The following SLC39A11 variants were observed in gnomAD, a reference collection of about 807,000 sequenced individuals.
SLC39A11 encodes zinc transporter ZIP11.
In SLC39A11, 33 loss-of-function variants were observed where a neutral mutation model predicts 36.1. The observed-to-expected ratio is 0.91, with a 90% CI of 0.69 to 1.22. The LOEUF is 1.22. Ranked by LOEUF, SLC39A11 falls within the 50% of genes most tolerant of loss-of-function variation. The pLI is 0.00. For missense variants in SLC39A11, 432 were observed against 430.3 expected, an observed-to-expected ratio of 1.00 and a Z score of -0.03; for synonymous variants, 166 against 170.3, an observed-to-expected ratio of 0.97 and a Z score of 0.20.
rs1443836651 is a variant in SLC39A11, at chr17:72,732,144, G to A, written c.671+4506C>T. 1.1e-3 allele frequency among the ~76,000 whole-genome samples: 142 copies of A among 129,546 alleles called. 1 individual carries two copies. Among genetic ancestry groups the A allele is most frequent in the African/African-American group, 4.0e-3 (137 of 33,904 alleles). The allele number at this position is 129,546 out of a possible 152,430, so 85.0% of individuals were successfully genotyped here. A position where few individuals can be genotyped will look rare whatever the true frequency, so the allele number is the denominator to read the frequency against. ...GCTCACTGTAACCTCAGCCTCCCAA[G>A]TAGCTGGGATCAAAGGCACCTACCA... On this transcript the variant is annotated intron_variant, in intron 7 of 9. Transcript: ENST00000255559.
chr17:73,064,889 G>A lies in SLC39A11; in HGVS notation c.147+19919C>T, dbSNP rs188124897. ...TTCTCACCATACTTGGCAGAGGGGG[G>A]ATAGGGGAAAAAACACAGTTTGGCA... On this transcript the variant is annotated intron_variant, in intron 3 of 9. Transcript: ENST00000255559. Among the ~76,000 whole-genome samples the A allele has an allele frequency of 4.6e-5, 7 of 152,254 alleles. No individual in the cohort carries two copies. The South Asian group carries it at 6.2e-4, about 14-fold the overall frequency.
At chr17:72,734,979 C>T (rs1194998154) in intron 7 of SLC39A11, among the ~76,000 whole-genome samples, 2 of 152,134 alleles carry the variant, frequency 1.3e-5, no homozygotes, top group African/African-American at 4.8e-5. Flanking sequence ...CACCCCAGGC[C>T]CCGCGCTTAG....
chr17:72,653,224 C>T (rs1224013445), intron 7 of SLC39A11, among the ~76,000 whole-genome samples: 3 of 151,672 alleles, frequency 2.0e-5, no homozygotes, highest in Non-Finnish European at 4.4e-5. Flanking sequence ...CCTGCTTCAG[C>T]CTCCCGAGTA....
intron 3 of SLC39A11, among the ~76,000 whole-genome samples, chr17:73,043,007 C>T (rs907280136): frequency 5.3e-5 from 8 of 149,638 alleles, no homozygotes; most frequent in Admixed American, 2.0e-4. Flanking sequence ...TGGATCTGGG[C>T]GCTGCCTCCA....
chr17:72,685,271 G>A (rs1352143193), intron 7 of SLC39A11, among the ~76,000 whole-genome samples: 3 of 64,758 alleles, frequency 4.6e-5, no homozygotes, highest in Non-Finnish European at 9.0e-5. Context: ...GGAGCTGATG[G>A]AGAATTTCAG....
chr17:72,934,271 C>CA (rs1225377228), intron 5 of SLC39A11, among the ~76,000 whole-genome samples: 2 of 152,106 alleles, frequency 1.3e-5, no homozygotes, highest in Non-Finnish European at 2.9e-5. Flanking sequence ...TTTCGATCTC[C>CA]AAAGGCACTG....
chr17:72,744,232 C>A (rs56073138), intron 6 of SLC39A11, among the ~76,000 whole-genome samples: 22,510 of 152,224 alleles, frequency 0.15, 1,778 homozygotes, highest in African/African-American at 0.18. Flanking sequence ...ATGTACCTGA[C>A]AGGCCTGTTC....
chr17:72,696,212 G>A lies in SLC39A11; in HGVS notation c.671+40438C>T, dbSNP rs569530499. On this transcript the variant is annotated intron_variant, in intron 7 of 9. Transcript: ENST00000255559. ...GGGGAAGGCAGGAGTTGGCATTTCA[G>A]TTGCGGTCCAAGGTGGAGATCGGAA... 1.6e-4 allele frequency among the ~76,000 whole-genome samples: 25 copies of A among 152,224 alleles called. No individual in the cohort carries two copies. In the South Asian group the frequency reaches 5.2e-3, roughly 32 times the overall value.
At chr17:72,704,762 C>T (rs2072817041) in intron 7 of SLC39A11, among the ~76,000 whole-genome samples, 1 of 152,190 alleles carries the variant, frequency 6.6e-6, no homozygotes, top group Admixed American at 6.5e-5. Context: ...GCTGGAGCTC[C>T]AGTCCAAGCT....
intron 4 of SLC39A11, among the ~76,000 whole-genome samples, chr17:72,990,927 T>C (rs1357038405): frequency 6.6e-6 from 1 of 152,230 alleles, no homozygotes; most frequent in Non-Finnish European, 1.5e-5. Context: ...AGTCTGCTGA[T>C]CTACTGTCAA....
rs947120417 is a variant in SLC39A11 at position 72,789,541 on chromosome 17, G to A, written c.602-52822C>T. ...ATCCCTGGGAACAGGCCTATAACTC[G>A]GAAGATAATAGCCACAGCTCTGATT... On this transcript the variant is annotated intron_variant, in intron 6 of 9. Coordinates refer to ENST00000255559, the MANE Select transcript of SLC39A11 (RefSeq NM_139177.4). Among the ~76,000 whole-genome samples the A allele has an allele frequency of 1.2e-4, 18 of 152,136 alleles. 1 individual carries two copies. Among genetic ancestry groups the A allele is most frequent in the South Asian group, 6.2e-4 (3 of 4,824 alleles).
intron 7 of SLC39A11, among the ~76,000 whole-genome samples, chr17:72,735,140 G>A (rs759071155): frequency 1.7e-4 from 26 of 152,164 alleles, no homozygotes; most frequent in Admixed American, 1.7e-3. Flanking sequence ...AGTCTGAGAG[G>A]CAGGAACATG....
intron 4 of SLC39A11, among the ~76,000 whole-genome samples, chr17:72,974,118 TGAGATG>T (rs1386653741): frequency 6.6e-6 from 1 of 152,140 alleles, no homozygotes; most frequent in Non-Finnish European, 1.5e-5. Context: ...TTTATTTTCT[TGAGATG>T]GAGTCTCACT....
intron 5 of SLC39A11, among the ~76,000 whole-genome samples, chr17:72,947,313 C>T (rs996691581): frequency 2.5e-5 from 3 of 122,112 alleles, no homozygotes; most frequent in African/African-American, 6.0e-5. Context: ...GACTCCATCT[C>T]GGGGGGAAAA....
intron 5 of SLC39A11, among the ~76,000 whole-genome samples, chr17:72,925,877 T>C (rs2084021050): frequency 6.6e-6 from 1 of 152,254 alleles, no homozygotes; most frequent in Non-Finnish European, 1.5e-5. Flanking sequence ...ACAGCCAACC[T>C]GCAGCCTGCA....
At chr17:72,861,494 G>A (rs73358742) in intron 5 of SLC39A11, among the ~76,000 whole-genome samples, 7,548 of 151,426 alleles carry the variant, frequency 0.05, 279 homozygotes, top group African/African-American at 0.1. Flanking sequence ...TTGCAGCCAG[G>A]AAGATGGGAA....
chr17:72,724,596 G>C (rs1468173307), intron 7 of SLC39A11, among the ~76,000 whole-genome samples: 1 of 151,990 alleles, frequency 6.6e-6, no homozygotes, highest in Non-Finnish European at 1.5e-5. Flanking sequence ...AGAGCCCCAG[G>C]GTTCAGGAAC....
At chr17:72,800,655 G>T (rs1312123887) in intron 6 of SLC39A11, among the ~76,000 whole-genome samples, 1 of 152,130 alleles carries the variant, frequency 6.6e-6, no homozygotes, top group Non-Finnish European at 1.5e-5. Flanking sequence ...GCGGCTGGGG[G>T]TCACTGGACA....
In SLC39A11 at chr17:72,957,171, C is replaced by G. The variant is rs576852451; in HGVS notation, c.307-9296G>C. 3.3e-5 allele frequency among the ~76,000 whole-genome samples: 5 copies of G among 152,188 alleles called. No homozygotes were observed. The South Asian group carries it at 1.0e-3, about 32-fold the overall frequency. On this transcript the variant is annotated intron_variant, in intron 4 of 9. Coordinates refer to ENST00000255559, the MANE Select transcript of SLC39A11 (RefSeq NM_139177.4). ...TTTCAAGTCTCTACATCACAGAGGC[C>G]AAAGCATCATCCCAGTGGCCAAAGC...
Sources: allele counts gnomAD v4.1 joint callset (sites outside exome capture counted in the v4.1 genomes callset), GRCh38; gene constraint gnomAD v4.1.1; transcripts MANE v1.5; gene names NCBI Gene and HGNC (gene_info 2026-07-23, HGNC 2026-07-21).